TRPS1: variants seen among roughly 807,000 people sequenced by gnomAD.
TRPS1 encodes the protein zinc finger transcription factor Trps1.
Under a neutral mutation model 101.2 loss-of-function variants are expected in TRPS1, and 6 were observed. The observed-to-expected ratio is 0.06, with a 90% CI of 0.03 to 0.12. The LOEUF (loss-of-function observed/expected upper bound fraction) is 0.12, where lower values mean the gene tolerates loss of function less well. Among genes scored for constraint, TRPS1 ranks in the 10% least tolerant of loss-of-function variants. TRPS1 has a pLI of 1.00. For missense variants in TRPS1, 1,363 were observed against 1,567.0 expected (o/e 0.87, Z 2.20); for synonymous variants, 578 against 589.8 (o/e 0.98, Z 0.29).
At chr8:115,614,808 A>G (rs1477032246) in intron 3 of TRPS1, among the ~76,000 whole-genome samples, 1 of 152,236 alleles carries the variant, frequency 6.6e-6, no homozygotes, top group African/African-American at 2.4e-5. Flanking sequence ...ATAAATGTTT[A>G]GAAGTAAAAT....
At chr8:115,612,075 GA>G (rs758076041) in intron 3 of TRPS1, among the ~76,000 whole-genome samples, 3 of 147,796 alleles carry the variant, frequency 2.0e-5, no homozygotes, top group Non-Finnish European at 3.0e-5. Context: ...GAGGGTGGGA[GA>G]AAAAAAGAGA....
chr8:115,666,567 G>A (rs1417831975), intron 1 of TRPS1, among the ~76,000 whole-genome samples: 1 of 152,174 alleles, frequency 6.6e-6, no homozygotes, highest in Non-Finnish European at 1.5e-5. Context: ...TCCACGTCAA[G>A]AACTGGCTGC....
chr8:115,498,401 CTCTCTCTCTCTCTCTATATATATATA>C (rs1241799687), intron 5 of TRPS1, among the ~76,000 whole-genome samples: 1,063 of 85,424 alleles, frequency 0.012, 32 homozygotes, highest in African/African-American at 0.049. Context: ...CTCTCTCTCT[CTCTCTCTCTCTCTCTATATATATATA>C]TATATATATA....
chr8:115,532,090 G>A (rs1012221835), intron 5 of TRPS1, among the ~76,000 whole-genome samples: 1 of 152,138 alleles, frequency 6.6e-6, no homozygotes, highest in African/African-American at 2.4e-5. Flanking sequence ...GATATTGGGA[G>A]AGTCACCAAA....
Position 115,604,472 on chromosome 8 carries a change from T to C in TRPS1, c.1497A>G (p.Leu499=), listed in dbSNP as rs1181767199. 6.2e-7 allele frequency: 1 copy of C among 1,614,124 alleles called. No individual in the cohort carries two copies. Among genetic ancestry groups the C allele is most frequent in the Non-Finnish European group, 8.5e-7 (1 of 1,180,002 alleles). Residue 499 remains leucine (L), a synonymous_variant, in exon 4 of 7, where the codon CTA becomes CTG. Coordinates refer to ENST00000395715, the MANE Select transcript of TRPS1 (RefSeq NM_014112.5). This position sits in a 1 kb window ranked among gnomAD's most constrained non-coding sequence, Gnocchi z 4.1. ...TTGTCTCTCCTTCTGAACTTTTGGC[T>C]AGATCATTCTGATTAATGACAGAGC... ...SRGSVINQND[L]AKSSEGETMT...
intron 5 of TRPS1, among the ~76,000 whole-genome samples, chr8:115,480,268 C>T (rs1042834742): frequency 1.3e-5 from 2 of 152,070 alleles, no homozygotes; most frequent in Non-Finnish European, 2.9e-5. Context: ...AAATACCATA[C>T]AAAACACCTA....
At chr8:115,468,293 T>C (rs1484130780) in intron 5 of TRPS1, among the ~76,000 whole-genome samples, 1 of 152,224 alleles carries the variant, frequency 6.6e-6, no homozygotes, top group Non-Finnish European at 1.5e-5. Flanking sequence ...ATGATTTATT[T>C]ACATAAACGG....
rs538364574 is a variant in TRPS1, at chr8:115,550,787, A to G, written c.2700+36214T>C. On this transcript the variant is annotated intron_variant, in intron 5 of 6. Transcript: ENST00000395715. ...TCTCTTCTGCACCTTGACTATGTTA[A>G]GTTTAACCAACTTTTATTGAGCTCC... Among the ~76,000 whole-genome samples the G allele has an allele frequency of 5.9e-5, 9 of 152,338 alleles. No individual in the cohort carries two copies. In the South Asian group the frequency reaches 1.7e-3, roughly 28 times the overall value.
chr8:115,517,018 G>A (rs528373434), intron 5 of TRPS1, among the ~76,000 whole-genome samples: 85 of 151,120 alleles, frequency 5.6e-4, no homozygotes, highest in African/African-American at 1.9e-3. Flanking sequence ...TTCCTTTTCC[G>A]GAGTCTTTGA....
intron 5 of TRPS1, among the ~76,000 whole-genome samples, chr8:115,424,167 T>C (rs1321007775): frequency 6.6e-6 from 1 of 152,236 alleles, no homozygotes; most frequent in Non-Finnish European, 1.5e-5. Context: ...ACATTTTTTA[T>C]GGTTTTATAT....
intron 5 of TRPS1, among the ~76,000 whole-genome samples, chr8:115,463,274 T>G (rs1814233733): frequency 6.6e-6 from 1 of 152,178 alleles, no homozygotes; most frequent in African/African-American, 2.4e-5. Context: ...GTACTGAACA[T>G]AAGCTCTCCT....
intron 5 of TRPS1, among the ~76,000 whole-genome samples, chr8:115,464,367 C>T (rs1814266666): frequency 6.6e-6 from 1 of 151,952 alleles, no homozygotes. Context: ...GTTGCTTATT[C>T]CTGGATAGAA....
intron 5 of TRPS1, among the ~76,000 whole-genome samples, chr8:115,525,428 C>A (rs142027440): frequency 6.6e-6 from 1 of 151,878 alleles, no homozygotes; most frequent in Admixed American, 6.6e-5. Context: ...TGTTGTGGAA[C>A]GTTCATAAGT....
intron 5 of TRPS1, among the ~76,000 whole-genome samples, chr8:115,577,710 A>G (rs541749959): frequency 6.6e-6 from 1 of 152,290 alleles, no homozygotes; most frequent in South Asian, 2.1e-4. Flanking sequence ...TGACAACTTT[A>G]TCAAAGAAAA....
chr8:115,451,484 G>T (rs956742074), intron 5 of TRPS1, among the ~76,000 whole-genome samples: 1 of 152,084 alleles, frequency 6.6e-6, no homozygotes, highest in African/African-American at 2.4e-5. Context: ...ACACATGAAA[G>T]AAACAGACTG....
At chr8:115,612,924 G>A (rs890586876) in intron 3 of TRPS1, among the ~76,000 whole-genome samples, 9 of 152,222 alleles carry the variant, frequency 5.9e-5, no homozygotes, top group African/African-American at 1.9e-4. Flanking sequence ...TGTAGGCGGA[G>A]GATAAAACCT....
intron 5 of TRPS1, among the ~76,000 whole-genome samples, chr8:115,528,300 A>G (rs1028251960): frequency 6.6e-6 from 1 of 152,090 alleles, no homozygotes; most frequent in Non-Finnish European, 1.5e-5. Flanking sequence ...GAAATGAGTT[A>G]TAATAACAAC....
chr8:115,464,767 C>T (rs1814276605), intron 5 of TRPS1, among the ~76,000 whole-genome samples: 2 of 152,026 alleles, frequency 1.3e-5, no homozygotes, highest in South Asian at 4.1e-4. Flanking sequence ...AACATCTAAC[C>T]GATACATCAT....
chr8:115,492,272 G>C, intron 5 of TRPS1: 3 of 456,164 alleles, frequency 6.6e-6, no homozygotes. Context: ...TTCAGGAAAT[G>C]TGTTTGGCGT....
Sources: gnomAD v4.1 joint callset for allele counts (sites outside exome capture counted in the v4.1 genomes callset) on GRCh38, gnomAD v4.1.1 for gene constraint, Gnocchi (gnomAD v3.1) non-coding constraint, MANE v1.5 for transcripts, NCBI Gene and HGNC (gene_info 2026-07-23, HGNC 2026-07-21) for gene names.